Variants in CSMD1 observed in about 807,000 individuals in gnomAD.
CSMD1 encodes the protein CUB and Sushi multiple domains 1.
In CSMD1, 213 loss-of-function variants were observed where a neutral mutation model predicts 417.5. That is an observed-to-expected ratio of 0.51 (90% confidence interval 0.46 to 0.57). CSMD1 has a LOEUF of 0.57. Ranked by LOEUF, CSMD1 falls within the 20% of genes least tolerant of loss-of-function variation. The pLI is 0.00. For missense variants in CSMD1, 6,923 were observed against 4,529.7 expected, an observed-to-expected ratio of 1.53 and a Z score of -15.17; for synonymous variants, 2,862 against 1,736.8, an observed-to-expected ratio of 1.65 and a Z score of -16.11.
intron 5 of CSMD1, among the ~76,000 whole-genome samples, chr8:3,968,500 A>T (rs11997241): frequency 2.6e-5 from 4 of 152,082 alleles, no homozygotes; most frequent in African/African-American, 9.7e-5. Flanking sequence ...CGGATTCAAA[A>T]TACTTAATAA....
intron 3 of CSMD1, among the ~76,000 whole-genome samples, chr8:4,201,790 C>T (rs1393245419): frequency 6.6e-6 from 1 of 151,580 alleles, no homozygotes; most frequent in Non-Finnish European, 1.5e-5. Flanking sequence ...ATGTACCTAA[C>T]CTCCTGCACG....
chr8:4,818,843 T>G (rs747468660), intron 1 of CSMD1, among the ~76,000 whole-genome samples: 1 of 152,238 alleles, frequency 6.6e-6, no homozygotes, highest in African/African-American at 2.4e-5. Flanking sequence ...ATTATCATTT[T>G]TCCCACTTCA....
At chr8:4,959,494 T>C (rs983216397) in intron 1 of CSMD1, among the ~76,000 whole-genome samples, 5 of 152,336 alleles carry the variant, frequency 3.3e-5, no homozygotes, top group East Asian at 1.9e-4. Flanking sequence ...GTTTGTTCTA[T>C]CTTCAAACGT....
At chr8:2,940,812 G>C (rs2721291) in intron 69 of CSMD1, among the ~76,000 whole-genome samples, 20,399 of 152,166 alleles carry the variant, frequency 0.13, 1,957 homozygotes, top group East Asian at 0.39. Context: ...AGCTTTAATG[G>C]ACTAGACCTT....
At chr8:3,640,140 C>G (rs142960240) in intron 7 of CSMD1, among the ~76,000 whole-genome samples, 2 of 152,154 alleles carry the variant, frequency 1.3e-5, no homozygotes, top group African/African-American at 4.8e-5. Flanking sequence ...CTTTTTCTTG[C>G]GTAAGACTTC....
At chr8:2,979,927 C>A (rs1270587271) in intron 54 of CSMD1, among the ~76,000 whole-genome samples, 4 of 152,132 alleles carry the variant, frequency 2.6e-5, no homozygotes, top group Non-Finnish European at 1.5e-5. Flanking sequence ...CAATTGTAAC[C>A]AAATCTCTGA....
intron 7 of CSMD1, among the ~76,000 whole-genome samples, chr8:3,686,864 C>G (rs533184628): frequency 1.2e-4 from 18 of 152,282 alleles, no homozygotes; most frequent in Non-Finnish European, 2.5e-4. Flanking sequence ...ATGCTTTTCT[C>G]CTGTTAATCT....
chr8:4,465,684 T>G (rs1338205987), intron 2 of CSMD1, among the ~76,000 whole-genome samples: 1 of 152,126 alleles, frequency 6.6e-6, no homozygotes, highest in African/African-American at 2.4e-5. Flanking sequence ...ACTTTATTGC[T>G]CTGACCATTA....
intron 2 of CSMD1, among the ~76,000 whole-genome samples, chr8:4,617,588 T>G (rs1356200276): frequency 6.6e-6 from 1 of 152,148 alleles, no homozygotes; most frequent in Non-Finnish European, 1.5e-5. Flanking sequence ...CTGAGCAATA[T>G]TTTAGAAGCA....
chr8:4,898,267 G>A (rs1171958309), intron 1 of CSMD1, among the ~76,000 whole-genome samples: 2 of 152,024 alleles, frequency 1.3e-5, no homozygotes, highest in African/African-American at 4.8e-5. Flanking sequence ...GCCCGTTTTA[G>A]GCCAAAAATA....
chr8:4,252,613 G>T (rs1031910489), intron 3 of CSMD1, among the ~76,000 whole-genome samples: 1 of 152,150 alleles, frequency 6.6e-6, no homozygotes, highest in Non-Finnish European at 1.5e-5. Flanking sequence ...ATTCATTATA[G>T]AACCCAAATA....
intron 3 of CSMD1, among the ~76,000 whole-genome samples, chr8:4,199,660 A>T (rs909256793): frequency 6.6e-6 from 1 of 152,172 alleles, no homozygotes; most frequent in African/African-American, 2.4e-5. Context: ...AGCTCAGTGT[A>T]TGAGGCTGGA....
At chr8:3,964,490 C>G (rs569984412) in intron 5 of CSMD1, among the ~76,000 whole-genome samples, 29 of 152,264 alleles carry the variant, frequency 1.9e-4, no homozygotes, top group African/African-American at 6.3e-4. Flanking sequence ...CATTTGTATT[C>G]TCTTTCTAGC....
chr8:4,630,265 TACACACAC>T (rs57214957), intron 2 of CSMD1, among the ~76,000 whole-genome samples: 3,297 of 148,912 alleles, frequency 0.022, 99 homozygotes, highest in East Asian at 0.16. Context: ...ACACAGCAAA[TACACACAC>T]ACACACACAC....
chr8:3,002,502 T>A (rs1807495834), intron 52 of CSMD1, among the ~76,000 whole-genome samples: 1 of 152,116 alleles, frequency 6.6e-6, no homozygotes, highest in Non-Finnish European at 1.5e-5. Context: ...CCTTTTGGAA[T>A]TACTTCTGAA....
intron 41 of CSMD1, among the ~76,000 whole-genome samples, chr8:3,129,788 A>T (rs1585423506): frequency 6.6e-6 from 1 of 152,148 alleles, no homozygotes; most frequent in East Asian, 1.9e-4. Context: ...CAGGAATTCA[A>T]GACCAGCCTG....
At chr8:4,634,936 G>C (rs768740762) in intron 2 of CSMD1, among the ~76,000 whole-genome samples, 1 of 152,068 alleles carries the variant, frequency 6.6e-6, no homozygotes, top group African/African-American at 2.4e-5. Flanking sequence ...TACTCTAAAC[G>C]GTTCCCAAAG....
intron 3 of CSMD1, among the ~76,000 whole-genome samples, chr8:4,079,577 A>C (rs1800014624): frequency 1.3e-5 from 2 of 152,244 alleles, no homozygotes; most frequent in Admixed American, 1.3e-4. Context: ...ACTTTAAAGT[A>C]AAAACACTTT....
chr8:4,772,717 G>A (rs1365691915), intron 1 of CSMD1, among the ~76,000 whole-genome samples: 2 of 152,128 alleles, frequency 1.3e-5, no homozygotes. Context: ...TAAGTTTGAG[G>A]CTTGAATTCA....
Sources: gnomAD v4.1 joint callset for allele counts (sites outside exome capture counted in the v4.1 genomes callset) on GRCh38, gnomAD v4.1.1 for gene constraint, MANE v1.5 for transcripts, NCBI Gene and HGNC (gene_info 2026-07-23, HGNC 2026-07-21) for gene names.